Variants in OCA2 observed in about 807,000 individuals in gnomAD.
OCA2 encodes the protein OCA2 melanosomal transmembrane protein.
In OCA2, 77 loss-of-function variants were observed where a neutral mutation model predicts 100.2. The observed-to-expected ratio is 0.77, with a 90% CI of 0.64 to 0.93. OCA2 has a LOEUF of 0.93. OCA2 is among the 40% of genes least tolerant of loss of function. OCA2 has a pLI of 0.00. For synonymous variants in OCA2, 432 were observed against 439.2 expected (o/e 0.98, Z 0.21); for missense variants, 1,062 against 1,089.1 (o/e 0.98, Z 0.35).
At chr15:27,997,052 G>GA (rs1421973177) in intron 9 of OCA2, among the ~76,000 whole-genome samples, 1 of 46,992 alleles carries the variant, frequency 2.1e-5, no homozygotes, top group Non-Finnish European at 8.3e-5. Flanking sequence ...AAAGAAGGAA[G>GA]GAAGGAAAGA....
In OCA2 at chr15:27,962,955, C is replaced by T. The variant is rs376184902; in HGVS notation, c.1636+3735G>A. On this transcript the variant is annotated intron_variant, in intron 15 of 23. Transcript: ENST00000354638. ...TAAAAAGATGGAAAAAGATACACCA[C>T]ACTAACACTAGTCAAGAGAAAAATG... 5.3e-5 allele frequency among the ~76,000 whole-genome samples: 8 copies of T among 152,102 alleles called. No individual in the cohort carries two copies. The East Asian group carries it at 5.8e-4, about 11-fold the overall frequency.
chr15:27,787,411 T>C (rs2032865510), intron 23 of OCA2, among the ~76,000 whole-genome samples: 1 of 152,100 alleles, frequency 6.6e-6, no homozygotes, highest in Non-Finnish European at 1.5e-5. Context: ...TAATCACAAA[T>C]TTAATCTGTT....
chr15:27,808,109 A>G (rs562845922), intron 23 of OCA2, among the ~76,000 whole-genome samples: 1 of 152,366 alleles, frequency 6.6e-6, no homozygotes, highest in East Asian at 1.9e-4. Flanking sequence ...CCCAGTCTCT[A>G]TTCTACATGG....
chr15:27,747,607 A>G, the OCA2 span, among the ~76,000 whole-genome samples: 5 of 152,156 alleles, frequency 3.3e-5, no homozygotes, highest in African/African-American at 1.2e-4. Context: ...GTTTTTATGG[A>G]AAGAACCCAT....
At chr15:27,826,600 A>G (rs1275481772) in intron 23 of OCA2, among the ~76,000 whole-genome samples, 1 of 152,250 alleles carries the variant, frequency 6.6e-6, no homozygotes, top group East Asian at 1.9e-4. Flanking sequence ...TCCTGCGTTC[A>G]TGCCTCCTCT....
At chr15:27,785,612 G>A (rs2032774694) in intron 23 of OCA2, among the ~76,000 whole-genome samples, 3 of 152,178 alleles carry the variant, frequency 2.0e-5, no homozygotes, top group African/African-American at 7.2e-5. Flanking sequence ...AGATGATGTG[G>A]GAAAATTTCA....
chr15:28,022,083 T>G lies in OCA2; in HGVS notation c.646+418A>C, dbSNP rs370802079. ...GTGTATGACTTCTAACTAAAAATTC[T>G]GAGGCATGCAAGAAGGCCAGAGCAA... is the stretch of plus-strand genomic sequence containing the variant. On this transcript the variant is annotated intron_variant, in intron 6 of 23. Transcript: ENST00000354638. Among the ~76,000 whole-genome samples the G allele has an allele frequency of 4.5e-4, 69 of 152,370 alleles. 1 individual carries two copies. In the East Asian group the frequency reaches 6.7e-3, roughly 15 times the overall value.
intron 23 of OCA2, among the ~76,000 whole-genome samples, chr15:27,785,613 G>A (rs1177947687): frequency 6.6e-6 from 1 of 152,198 alleles, no homozygotes. Context: ...GATGATGTGG[G>A]AAAATTTCAA....
At chr15:27,941,053 A>G (rs2039630135) in intron 18 of OCA2, among the ~76,000 whole-genome samples, 1 of 152,212 alleles carries the variant, frequency 6.6e-6, no homozygotes, top group African/African-American at 2.4e-5. Context: ...CTTGGTCCCA[A>G]TATTTCTAAT....
At chr15:27,759,361 A>G (rs1332554599) in intron 23 of OCA2, among the ~76,000 whole-genome samples, 4 of 152,218 alleles carry the variant, frequency 2.6e-5, no homozygotes, top group African/African-American at 9.6e-5. Flanking sequence ...GGAAGGAATA[A>G]CAAAATAAAG....
intron 2 of OCA2, among the ~76,000 whole-genome samples, chr15:28,077,928 C>A (rs796206279): frequency 2.0e-5 from 3 of 152,176 alleles, no homozygotes; most frequent in African/African-American, 7.2e-5. Flanking sequence ...AAATATACAA[C>A]AATTAGCCGG....
intron 2 of OCA2, among the ~76,000 whole-genome samples, chr15:28,059,253 T>A (rs1167792073): frequency 6.6e-6 from 1 of 152,174 alleles, no homozygotes; most frequent in Non-Finnish European, 1.5e-5. Context: ...TTGGGGAACA[T>A]CCTGGAGCTG....
At chr15:27,758,047 CA>C (rs1280314991) in intron 23 of OCA2, among the ~76,000 whole-genome samples, 2 of 152,122 alleles carry the variant, frequency 1.3e-5, no homozygotes, top group East Asian at 3.9e-4. Flanking sequence ...TCCCACTAAG[CA>C]GAGCTAAAAG....
chr15:27,740,740 C>G, the OCA2 span, among the ~76,000 whole-genome samples: 1 of 152,188 alleles, frequency 6.6e-6, no homozygotes, highest in Admixed American at 6.5e-5. Context: ...GCAGTGATCT[C>G]TGCTCCCCGT....
chr15:27,744,572 T>C, the OCA2 span, among the ~76,000 whole-genome samples: 2 of 152,364 alleles, frequency 1.3e-5, no homozygotes, highest in South Asian at 2.1e-4. Context: ...ATTCAGTTAT[T>C]CTCAGTTGCT....
chr15:27,733,979 G>A, the OCA2 span, among the ~76,000 whole-genome samples: 2 of 151,738 alleles, frequency 1.3e-5, no homozygotes, highest in East Asian at 1.9e-4. Flanking sequence ...GGCCAACATG[G>A]TGAAACCCCG....
rs752225696 is a variant in OCA2 at position 28,018,505 on chromosome 15, T to G, written c.699A>C (p.Ala233=). The G allele has an allele frequency of 6.2e-7, 1 of 1,613,778 alleles. No homozygotes were observed. Among genetic ancestry groups the G allele is most frequent in the South Asian group, 1.1e-5 (1 of 91,052 alleles). The change falls in exon 7 of 24, where the codon GCA becomes GCC. Residue 233 remains alanine (A), a synonymous_variant. Transcript: ENST00000354638. The part of the protein sequence containing the change: ...VDSTLLQVDL[A]GALVASGPSR... The stretch of plus-strand genomic sequence containing the variant: ...TCGGCCCACTGGCCACTAGGGCCCC[T>G]GCCAGGTCCACCTGCAGCAGCGTGG...
At chr15:28,023,613 C>T (rs910436123) in intron 5 of OCA2, among the ~76,000 whole-genome samples, 3 of 152,074 alleles carry the variant, frequency 2.0e-5, no homozygotes, top group African/African-American at 7.2e-5. Flanking sequence ...AGCTCAGACC[C>T]ACCCTTGCCC....
chr15:27,887,542 C>T (rs1239009314), intron 19 of OCA2, among the ~76,000 whole-genome samples: 1 of 150,890 alleles, frequency 6.6e-6, no homozygotes, highest in Non-Finnish European at 1.5e-5. Context: ...CCTGGGATCT[C>T]AGGCCAAGAG....
Sources: gnomAD v4.1 joint callset for allele counts (sites outside exome capture counted in the v4.1 genomes callset) on GRCh38, gnomAD v4.1.1 for gene constraint, MANE v1.5 for transcripts, NCBI Gene and HGNC (gene_info 2026-07-23, HGNC 2026-07-21) for gene names.